The following SESTD1 variants were observed in gnomAD, a reference collection of about 807,000 sequenced individuals.
The protein encoded by SESTD1 is SEC14 domain and spectrin repeat-containing protein 1.
Under a neutral mutation model 101.7 loss-of-function variants are expected in SESTD1, and 43 were observed. The observed-to-expected ratio is 0.42, with a 90% CI of 0.33 to 0.55. The LOEUF (loss-of-function observed/expected upper bound fraction) is 0.55. Among genes scored for constraint, SESTD1 ranks in the 20% least tolerant of loss-of-function variants. The pLI is 0.07. For synonymous variants in SESTD1, 283 were observed against 286.8 expected (o/e 0.99, Z 0.13); for missense variants, 647 against 815.1 (o/e 0.79, Z 2.51).
chr2:179,199,028 G>C (rs2046454059), intron 1 of SESTD1, among the ~76,000 whole-genome samples: 6 of 152,060 alleles, frequency 3.9e-5, no homozygotes, highest in Admixed American at 3.9e-4. Context: ...CTGGTTTTTT[G>C]ACAGGATCAA....
chr2:179,188,550 G>A (rs2046270745), intron 2 of SESTD1, among the ~76,000 whole-genome samples: 1 of 152,094 alleles, frequency 6.6e-6, no homozygotes, highest in Non-Finnish European at 1.5e-5. Flanking sequence ...GAGGCTGGAG[G>A]ATCGCTTAAG....
At chr2:179,155,296 T>C (rs966040938) in intron 5 of SESTD1, among the ~76,000 whole-genome samples, 3 of 152,080 alleles carry the variant, frequency 2.0e-5, no homozygotes, top group Non-Finnish European at 4.4e-5. Context: ...AAAGAACTTT[T>C]CCTTTCTCCA....
chr2:179,194,934 C>T (rs923993910), intron 1 of SESTD1, among the ~76,000 whole-genome samples: 5 of 152,318 alleles, frequency 3.3e-5, no homozygotes, highest in Admixed American at 2.0e-4. Flanking sequence ...TCAGAGACCA[C>T]AAACTACTTT....
In SESTD1 at chr2:179,109,685, C is replaced by A; in HGVS notation, c.*214G>T. The A allele has an allele frequency of 1.8e-6, 1 of 559,290 alleles. No homozygotes were observed. The highest frequency in any genetic ancestry group is 3.0e-6 in the Non-Finnish European group (1 of 330,536). The allele number at this position is 559,290 out of a possible 1,614,324, so 34.6% of individuals were successfully genotyped here. On this transcript the variant is annotated 3_prime_UTR_variant, in exon 18 of 18. Transcript: ENST00000428443. ...TTCAGTGCAATGTTTATAGTTCCTTCTTTTAAGATACTTGGAATCTACAGC... is the reference window on the plus strand; with the variant it reads ...TTCAGTGCAATGTTTATAGTTCCTTATTTTAAGATACTTGGAATCTACAGC...
chr2:179,192,044 G>A (rs971697025), intron 1 of SESTD1, among the ~76,000 whole-genome samples, 178 bp from the exon 2 acceptor site: 22 of 152,060 alleles, frequency 1.4e-4, no homozygotes, highest in African/African-American at 5.1e-4. Flanking sequence ...CAGCATCCCT[G>A]GTCTCTCTCT....
rs2046728233 is a variant in SESTD1 at position 179,216,842 on chromosome 2, A to G, written c.-25-24976T>C. Among the ~76,000 whole-genome samples, 2 of 135,910 alleles carry G rather than the reference A, an allele frequency of 1.5e-5. 1 individual carries two copies. Among genetic ancestry groups the G allele is most frequent in the South Asian group, 5.5e-4 (2 of 3,612 alleles). 89.2% of individuals were successfully genotyped at this position (135,910 alleles called of 152,430 possible). On this transcript the variant is annotated intron_variant, in intron 1 of 17. Coordinates refer to ENST00000428443, the MANE Select transcript of SESTD1 (RefSeq NM_178123.5). The stretch of plus-strand genomic sequence containing the variant: ...GAAATAACACCACACATCTACAACC[A>G]TCTGATCTTTGACAAACCTGACAAA...
At position 179,109,271 on chromosome 2, in the gene SESTD1, G is replaced by GT. The variant is rs1385121444; in HGVS notation, c.*627dup. The GT allele has an allele frequency of 2.0e-5, 3 of 153,596 alleles. No individual in the cohort carries two copies. Among genetic ancestry groups the GT allele is most frequent in the Non-Finnish European group, 2.9e-5 (2 of 68,686 alleles). The allele number at this position is 153,596 out of a possible 1,614,324, so 9.5% of individuals were successfully genotyped here. ...ATGCCCTTTTAAATAAGGCACTCATGTTTGGAAATAGGATGTAACTACTAA... is the reference window on the plus strand; with the variant it reads ...ATGCCCTTTTAAATAAGGCACTCATGTTTTGGAAATAGGATGTAACTACTAA... On this transcript the variant is annotated 3_prime_UTR_variant, in exon 18 of 18. Coordinates refer to ENST00000428443, the MANE Select transcript of SESTD1 (RefSeq NM_178123.5).
In SESTD1 at chr2:179,149,393, A is replaced by G. The variant is rs1310546272; in HGVS notation, c.485T>C (p.Val162Ala). ...DHMDWLNKRL[V>A]FEKFTKESTS... ...AGATTCCTTTGTAAACTTCTCAAAA[A>G]CCTACAATATGAGTTTTATTAACAT... The change falls in exon 7 of 18, where the codon GTT becomes GCT. Residue 162 changes from valine (V) to alanine (A), a missense_variant and splice_region_variant. Val to Ala is a moderately conservative substitution (Grantham distance 64). This residue lies in a region of SESTD1 where 168 missense variants were observed against 235.1 expected (regional missense o/e 0.71). Transcript: ENST00000428443. 1 of 1,580,180 alleles carries G rather than the reference A, an allele frequency of 6.3e-7. No homozygotes were observed. Among genetic ancestry groups the G allele is most frequent in the Admixed American group, 1.8e-5 (1 of 55,342 alleles).
At chr2:179,210,000 C>T (rs2046631562) in intron 1 of SESTD1, among the ~76,000 whole-genome samples, 1 of 132,752 alleles carries the variant, frequency 7.5e-6, no homozygotes, top group African/African-American at 3.0e-5. Context: ...TCCAAATAAG[C>T]TCAATTAGAA....
intron 1 of SESTD1, among the ~76,000 whole-genome samples, chr2:179,213,205 T>C (rs546014968): frequency 7.4e-6 from 1 of 134,706 alleles, no homozygotes; most frequent in East Asian, 2.0e-4. Flanking sequence ...TTCTCCGAGC[T>C]AAAGGGGCAT....
intron 9 of SESTD1, among the ~76,000 whole-genome samples, chr2:179,142,125 G>GT (rs1354206305): frequency 6.6e-6 from 1 of 152,148 alleles, no homozygotes; most frequent in Non-Finnish European, 1.5e-5. Flanking sequence ...ATAAATAAAA[G>GT]TTTATTGGAG....
At chr2:179,124,302 T>C in intron 11 of SESTD1, 62 bp downstream of exon 11, 2 of 1,480,618 alleles carry the variant, frequency 1.4e-6, no homozygotes, top group Non-Finnish European at 1.8e-6. Flanking sequence ...CTGAAAAAAA[T>C]TACGTGTAGG....
chr2:179,121,304 T>C (rs565274904), intron 13 of SESTD1, among the ~76,000 whole-genome samples: 2 of 152,322 alleles, frequency 1.3e-5, no homozygotes, highest in African/African-American at 4.8e-5. Flanking sequence ...TTATAGAAAA[T>C]GAAACTAAAC....
intron 1 of SESTD1, among the ~76,000 whole-genome samples, chr2:179,206,931 G>C (rs1308495095): frequency 7.5e-6 from 1 of 133,430 alleles, no homozygotes; most frequent in Non-Finnish European, 1.6e-5. Context: ...GTCACTGCTG[G>C]CTTTTCCACT....
chr2:179,236,050 T>C (rs2047060952), intron 1 of SESTD1, among the ~76,000 whole-genome samples: 1 of 152,166 alleles, frequency 6.6e-6, no homozygotes, highest in Non-Finnish European at 1.5e-5. Flanking sequence ...TCCTCAGTGC[T>C]ACCATTTACC....
At chr2:179,178,280 A>G (rs1011419957) in intron 3 of SESTD1, among the ~76,000 whole-genome samples, 2 of 152,184 alleles carry the variant, frequency 1.3e-5, no homozygotes, top group Non-Finnish European at 2.9e-5. Context: ...CCTTGGGAAA[A>G]ACTAAAGGTA....
rs1293519688 is a variant in SESTD1 at position 179,107,400 on chromosome 2, G to A, written c.*2499C>T. 1 of 152,098 alleles carries A rather than the reference G, an allele frequency of 6.6e-6. No individual in the cohort carries two copies. The highest frequency in any genetic ancestry group is 1.5e-5 in the Non-Finnish European group (1 of 67,996). The allele number at this position is 152,098 out of a possible 1,614,324, so 9.4% of individuals were successfully genotyped here. On this transcript the variant is annotated 3_prime_UTR_variant, in exon 18 of 18. Coordinates refer to ENST00000428443, the MANE Select transcript of SESTD1 (RefSeq NM_178123.5). ...TATTTTACTTTTTGTAGGCAAGATA[G>A]CTTAAGGTATATAAAAATTAACTCA...
At chr2:179,167,441 A>T (rs1162032313) in intron 5 of SESTD1, among the ~76,000 whole-genome samples, 2 of 152,248 alleles carry the variant, frequency 1.3e-5, no homozygotes, top group Non-Finnish European at 2.9e-5. Flanking sequence ...GAGGAAACAG[A>T]AAAAGGGCAG....
At chr2:179,247,853 G>C (rs2047256806) in intron 1 of SESTD1, among the ~76,000 whole-genome samples, 1 of 151,842 alleles carries the variant, frequency 6.6e-6, no homozygotes, top group African/African-American at 2.4e-5. Context: ...AGCCAAACAG[G>C]AAGTCTCAAG....
Sources: allele counts gnomAD v4.1 joint callset (sites outside exome capture counted in the v4.1 genomes callset), GRCh38; gene constraint gnomAD v4.1.1; regional missense constraint gnomAD v4.1.1; transcripts MANE v1.5; gene names NCBI Gene and HGNC (gene_info 2026-07-23, HGNC 2026-07-21).